The following TOP3A variants were observed in gnomAD, a reference collection of about 807,000 sequenced individuals.
The protein encoded by TOP3A is DNA topoisomerase III alpha.
Under a neutral mutation model 111.3 loss-of-function variants are expected in TOP3A, and 64 were observed. The observed-to-expected ratio is 0.57, with a 90% confidence interval of 0.47 to 0.71. The LOEUF is 0.71. Among genes scored for constraint, TOP3A ranks in the 30% least tolerant of loss-of-function variants. The pLI, the probability that TOP3A is intolerant of heterozygous loss-of-function variation, is 0.00. For missense variants in TOP3A, 1,104 were observed against 1,285.0 expected (o/e 0.86, Z 2.15); for synonymous variants, 484 against 485.1 (o/e 1.00, Z 0.03).
intron 9 of TOP3A, among the ~76,000 whole-genome samples, chr17:18,299,345 C>G (rs1981073861): frequency 6.6e-6 from 1 of 152,264 alleles, no homozygotes; most frequent in East Asian, 1.9e-4. Context: ...GTGGGAAGAT[C>G]TCTTGAGCCC....
intron 13 of TOP3A, 40 bp from the exon 14 acceptor site, chr17:18,285,560 AACAGCTCC>A (rs1980043674): frequency 6.3e-7 from 1 of 1,585,652 alleles, no homozygotes; most frequent in Non-Finnish European, 8.6e-7. Flanking sequence ...TAATACAGAC[AACAGCTCC>A]ACCCGGGTGG....
chr17:18,291,869 C>A (rs1480140223), intron 11 of TOP3A, among the ~76,000 whole-genome samples: 6 of 152,038 alleles, frequency 3.9e-5, no homozygotes, highest in African/African-American at 1.4e-4. Flanking sequence ...ACATGCCACC[C>A]CGTCCAACTA....
At chr17:18,302,478 A>G (rs1398150626) in intron 6 of TOP3A, 44 bp from the exon 7 acceptor site, 1 of 1,595,840 alleles carries the variant, frequency 6.3e-7, no homozygotes, top group South Asian at 1.1e-5. Flanking sequence ...ATGATGGATA[A>G]TGAGAGTCCA....
Position 18,301,974 on chromosome 17 carries a change from G to A in TOP3A, c.826C>T (p.His276Tyr). ...TTGAATTCTACGATACCATCTTTGT[G>A]GTCATGAGTTACTATATTAAGGAGA... ...IFHRIKVTHD[H>Y]KDGIVEFNWK... The change falls in exon 8 of 19, where the codon CAC becomes TAC. Residue 276 changes from histidine to tyrosine, a missense_variant. Transcript: ENST00000321105. 3 of 1,613,986 alleles carry A rather than the reference G, an allele frequency of 1.9e-6. No homozygotes were observed. Among genetic ancestry groups the A allele is most frequent in the Non-Finnish European group, 2.5e-6 (3 of 1,179,908 alleles).
At chr17:18,294,305 A>G (rs559387035) in intron 10 of TOP3A, among the ~76,000 whole-genome samples, 3 of 152,084 alleles carry the variant, frequency 2.0e-5, no homozygotes, top group Non-Finnish European at 2.9e-5. Context: ...GTTTTTCCCC[A>G]TAAACTCTTA....
chr17:18,275,370 G>A (rs1351309867), intron 18 of TOP3A, among the ~76,000 whole-genome samples: 1 of 34,440 alleles, frequency 2.9e-5, no homozygotes, highest in South Asian at 1.3e-3. Context: ...TTTTTTTTTT[G>A]AGATGGAGTC....
At chr17:18,304,933 G>T (rs529527622) in intron 5 of TOP3A, among the ~76,000 whole-genome samples, 179 bp downstream of exon 5, 1 of 152,290 alleles carries the variant, frequency 6.6e-6, no homozygotes, top group East Asian at 1.9e-4. Flanking sequence ...AGACAAGGAA[G>T]TTGAGGCTCC....
chr17:18,285,093 A>C lies in TOP3A; in HGVS notation c.1877+49T>G, dbSNP rs747804314. 5.0e-6 allele frequency: 8 copies of C among 1,597,732 alleles called. No individual in the cohort carries two copies. In the Admixed American group the frequency reaches 1.3e-4, roughly 27 times the overall value. ...CTCTTGAGGCCAGGAGTTCAAGACC[A>C]GCCTGGGCAACATAGTGAGACCCCT... On this transcript the variant is annotated intron_variant, in intron 15 of 18. Transcript: ENST00000321105.
chr17:18,275,558 TTCA>T (rs1979304396), intron 18 of TOP3A, among the ~76,000 whole-genome samples: 2 of 151,484 alleles, frequency 1.3e-5, no homozygotes, highest in African/African-American at 4.9e-5. Flanking sequence ...AGAGACGGGT[TTCA>T]TCATGTTAGC....
rs1329929651 is a variant in TOP3A, at chr17:18,278,010, CGGTTGGGG to C, written c.2484_2491del (p.Pro829GlyfsTer6). ...GTTGCACTTAAAGAACTGCCGGCCC[CGGTTGGGG>C]CCCTCCTTACGGACAGTGAGCAGCA... On this transcript the variant is annotated frameshift_variant, in exon 18 of 19. Coordinates refer to ENST00000321105, the MANE Select transcript of TOP3A (RefSeq NM_004618.5). LOFTEE classifies it high-confidence loss of function. 1.9e-6 allele frequency: 3 copies of C among 1,614,020 alleles called. No homozygotes were observed. The highest frequency in any genetic ancestry group is 2.2e-5 in the East Asian group (1 of 44,886).
At position 18,276,870 on chromosome 17, in the gene TOP3A, G is replaced by A. The variant is rs147491878; in HGVS notation, c.2827+805C>T. On this transcript the variant is annotated intron_variant, in intron 18 of 18. Coordinates refer to ENST00000321105, the MANE Select transcript of TOP3A (RefSeq NM_004618.5). Reference sequence around the variant, plus strand: ...CCTGGGCAGGTTCCTAAATATCATCGGGGTTGGCATCTTCATCTGAAGAAA... The same window carrying A: ...CCTGGGCAGGTTCCTAAATATCATCAGGGTTGGCATCTTCATCTGAAGAAA... 7.0e-4 allele frequency among the ~76,000 whole-genome samples: 107 copies of A among 152,270 alleles called. 2 individuals carry two copies. In the East Asian group the frequency reaches 0.014, roughly 20 times the overall value.
intron 8 of TOP3A, among the ~76,000 whole-genome samples, chr17:18,300,587 G>A (rs780721617): frequency 6.6e-5 from 10 of 151,598 alleles, no homozygotes; most frequent in Non-Finnish European, 1.5e-4. Flanking sequence ...GCAGTATCTC[G>A]TTCTGTCACT....
chr17:18,301,186 G>A (rs1981204167), intron 8 of TOP3A, among the ~76,000 whole-genome samples: 1 of 152,176 alleles, frequency 6.6e-6, no homozygotes, highest in South Asian at 2.1e-4. Context: ...TGCAGCCCCT[G>A]GGTTAAACCA....
chr17:18,277,581 T>G, intron 18 of TOP3A, 94 bp downstream of exon 18: 1 of 1,446,066 alleles, frequency 6.9e-7, no homozygotes, highest in South Asian at 1.3e-5. Flanking sequence ...AATCCCACCA[T>G]GACCCTGCCT....
intron 9 of TOP3A, among the ~76,000 whole-genome samples, chr17:18,298,010 G>T (rs1169487979): frequency 1.3e-5 from 2 of 151,440 alleles, no homozygotes; most frequent in African/African-American, 4.9e-5. Context: ...TCCCATCTGG[G>T]AAGTGAGGAG....
chr17:18,302,773 C>G, intron 5 of TOP3A, 50 bp from the exon 6 acceptor site: 2 of 1,581,948 alleles, frequency 1.3e-6, no homozygotes, highest in Non-Finnish European at 1.7e-6. Flanking sequence ...ACACTGCCCT[C>G]CATCATAAAG....
At chr17:18,293,309 A>G (rs1340384823) in intron 10 of TOP3A, among the ~76,000 whole-genome samples, 1 of 152,230 alleles carries the variant, frequency 6.6e-6, no homozygotes, top group African/African-American at 2.4e-5. Context: ...CATTTTTGAG[A>G]TAGTCTTGCT....
At chr17:18,309,994 G>A (rs908104887) in intron 1 of TOP3A, among the ~76,000 whole-genome samples, 1 of 151,864 alleles carries the variant, frequency 6.6e-6, no homozygotes, top group Non-Finnish European at 1.5e-5. Flanking sequence ...ACAGGTGTGA[G>A]CCACCACGCC....
At chr17:18,305,420 G>A (rs17805907) in intron 4 of TOP3A, among the ~76,000 whole-genome samples, 200 bp from the exon 5 acceptor site, 16,892 of 151,990 alleles carry the variant, frequency 0.11, 1,044 homozygotes, top group South Asian at 0.18. Flanking sequence ...CGAGTTTCTA[G>A]AATAGAGGGT....
Sources: allele counts gnomAD v4.1 joint callset (sites outside exome capture counted in the v4.1 genomes callset), GRCh38; gene constraint gnomAD v4.1.1; transcripts MANE v1.5; gene names NCBI Gene and HGNC (gene_info 2026-07-23, HGNC 2026-07-21).